ANKRD17: variants seen among roughly 807,000 people sequenced by gnomAD.
The protein encoded by ANKRD17 is ankyrin repeat domain-containing protein 17.
Under a neutral mutation model 229.7 loss-of-function variants are expected in ANKRD17, and 19 were observed. The observed-to-expected ratio is 0.08, with a 90% CI of 0.06 to 0.12. The LOEUF is 0.12. Ranked by LOEUF, ANKRD17 falls within the 10% of genes least tolerant of loss-of-function variation. ANKRD17 has a pLI of 1.00. For synonymous variants in ANKRD17, 1,112 were observed against 1,146.1 expected (o/e 0.97, Z 0.60); for missense variants, 2,176 against 3,176.8 (o/e 0.68, Z 7.57).
intron 1 of ANKRD17, among the ~76,000 whole-genome samples, chr4:73,189,457 C>T (rs940270186): frequency 1.7e-5 from 2 of 117,492 alleles, no homozygotes; most frequent in East Asian, 2.7e-4. Flanking sequence ...AGTGCAGTGG[C>T]GCCATCTTGG....
intron 1 of ANKRD17, among the ~76,000 whole-genome samples, chr4:73,193,834 G>A (rs111654888): frequency 1.3e-5 from 2 of 152,140 alleles, no homozygotes; most frequent in African/African-American, 2.4e-5. Context: ...CTCGGGGCTG[G>A]GGCAGGAGGA....
At chr4:73,218,497 G>A (rs1741398744) in intron 1 of ANKRD17, among the ~76,000 whole-genome samples, 1 of 151,858 alleles carries the variant, frequency 6.6e-6, no homozygotes. Context: ...ACAAAAAATT[G>A]CCAGGCATGG....
intron 3 of ANKRD17, among the ~76,000 whole-genome samples, chr4:73,157,961 G>A (rs941950125): frequency 2.6e-5 from 4 of 151,676 alleles, no homozygotes; most frequent in African/African-American, 4.8e-5. Flanking sequence ...GCATGGCAGC[G>A]TGGCCTATAG....
intron 11 of ANKRD17, among the ~76,000 whole-genome samples, chr4:73,143,770 T>C (rs886382856): frequency 6.6e-6 from 1 of 152,176 alleles, no homozygotes; most frequent in African/African-American, 2.4e-5. Flanking sequence ...AGACAGGTTC[T>C]CACTCTGTCA....
intron 22 of ANKRD17, among the ~76,000 whole-genome samples, chr4:73,116,608 T>C (rs1283160133): frequency 2.0e-5 from 3 of 152,156 alleles, no homozygotes; most frequent in African/African-American, 7.2e-5. Context: ...TTAGACTGCA[T>C]GTTTCTAAAC....
At chr4:73,116,266 G>A (rs1725944598) in intron 22 of ANKRD17, among the ~76,000 whole-genome samples, 1 of 152,066 alleles carries the variant, frequency 6.6e-6, no homozygotes, top group Non-Finnish European at 1.5e-5. Flanking sequence ...CCCTAAATAT[G>A]AGAGTCTAGT....
chr4:73,148,825 G>T lies in ANKRD17; in HGVS notation c.1555C>A (p.Leu519Ile). The T allele has an allele frequency of 6.2e-7, 1 of 1,613,798 alleles. No individual in the cohort carries two copies. Among genetic ancestry groups the T allele is most frequent in the Non-Finnish European group, 8.5e-7 (1 of 1,179,724 alleles). Residue 519 changes from leucine (L) to isoleucine (I), a missense_variant, in exon 8 of 34, where the codon CTT (leucine) becomes ATT (isoleucine). Physicochemically the swap from Leu to Ile is conservative, Grantham distance 5 (BLOSUM62 2). Coordinates refer to ENST00000358602, the MANE Select transcript of ANKRD17 (RefSeq NM_032217.5). ...REGHEEMVAL[L>I]LGQGANINAQ... ...TAGATACGGTTACCTTGACCAAGAA[G>T]TAATGCCACCATTTCTTCATGTCCT...
chr4:73,207,927 G>A (rs1275815615), intron 1 of ANKRD17, among the ~76,000 whole-genome samples: 1 of 152,110 alleles, frequency 6.6e-6, no homozygotes, highest in Non-Finnish European at 1.5e-5. Context: ...AGTGGCTCAC[G>A]CCTGTAATCC....
chr4:73,191,539 T>TA (rs1224608441), intron 1 of ANKRD17, among the ~76,000 whole-genome samples: 3 of 151,652 alleles, frequency 2.0e-5, no homozygotes, highest in African/African-American at 7.3e-5. Flanking sequence ...AAAAGACTAA[T>TA]AAATGTGGAC....
chr4:73,222,264 C>T (rs893951905), intron 1 of ANKRD17, among the ~76,000 whole-genome samples: 1 of 152,082 alleles, frequency 6.6e-6, no homozygotes, highest in Admixed American at 6.6e-5. Context: ...TATAGTTTCA[C>T]TTTGACATGT....
chr4:73,108,332 C>G (rs752235985), intron 24 of ANKRD17, among the ~76,000 whole-genome samples: 9 of 152,064 alleles, frequency 5.9e-5, no homozygotes, highest in Non-Finnish European at 1.0e-4. Flanking sequence ...GCTGAATACA[C>G]GAGACTGAAG....
At position 73,149,058 on chromosome 4, in the gene ANKRD17, T is replaced by C. The variant is rs750692553; in HGVS notation, c.1330-8A>G. 2.5e-6 allele frequency: 4 copies of C among 1,601,790 alleles called. No individual in the cohort carries two copies. In the African/African-American group the frequency reaches 4.0e-5, roughly 16 times the overall value. On this transcript the variant is annotated splice_region_variant and splice_polypyrimidine_tract_variant and intron_variant, in intron 7 of 33. Transcript: ENST00000358602. The stretch of plus-strand genomic sequence containing the variant: ...TACTTCAACATGGCCATCCTAATGA[T>C]AATACAATTTAAAAAATTAAATCAG...
At position 73,091,492 on chromosome 4, in the gene ANKRD17, G is replaced by C. The variant is rs927644375; in HGVS notation, c.6136C>G (p.Pro2046Ala). 23 of 1,614,154 alleles carry C rather than the reference G, an allele frequency of 1.4e-5. No individual in the cohort carries two copies. The highest frequency in any genetic ancestry group is 1.9e-5 in the Non-Finnish European group (23 of 1,180,024). Residue 2046 changes from proline (P) to alanine (A), a missense_variant, in exon 29 of 34, where the codon CCA becomes GCA. Physicochemically the swap from Pro to Ala is conservative, Grantham distance 27. This residue lies in a region of ANKRD17 where 424 missense variants were observed against 454.0 expected (regional missense o/e 0.93). Transcript: ENST00000358602. ...EHYPVSSPSS[P>A]SPPAQPGGVS... ...CCTCCTGGCTGGGCTGGTGGTGATG[G>C]GGAAGATGGGGATGATACTGGATAG...
intron 1 of ANKRD17, among the ~76,000 whole-genome samples, chr4:73,218,286 A>C (rs1432942418): frequency 6.6e-6 from 1 of 152,208 alleles, no homozygotes; most frequent in Non-Finnish European, 1.5e-5. Flanking sequence ...AGATGGAATC[A>C]ATGAAGTAAA....
chr4:73,100,725 A>T, intron 25 of ANKRD17: 1 of 537,690 alleles, frequency 1.9e-6, no homozygotes, highest in Non-Finnish European at 2.4e-6. Context: ...AAAATGTTTT[A>T]AAAATGTAGG....
At chr4:73,083,787 G>C (rs1721806811) in intron 30 of ANKRD17, among the ~76,000 whole-genome samples, 1 of 151,980 alleles carries the variant, frequency 6.6e-6, no homozygotes, top group African/African-American at 2.4e-5. Context: ...ATTCATTGCA[G>C]GCTACAATTT....
chr4:73,166,784 T>C (rs1395984275), intron 2 of ANKRD17, among the ~76,000 whole-genome samples: 1 of 151,878 alleles, frequency 6.6e-6, no homozygotes, highest in Non-Finnish European at 1.5e-5. Flanking sequence ...GGAACTGTTA[T>C]GATTAAACTT....
intron 2 of ANKRD17, among the ~76,000 whole-genome samples, chr4:73,169,629 A>T (rs1003849861): frequency 3.9e-5 from 6 of 152,168 alleles, no homozygotes; most frequent in African/African-American, 1.4e-4. Flanking sequence ...GAGCACACAC[A>T]GTGCCTGGTT....
At chr4:73,190,559 CAAAACAAAAAA>C (rs1027298355) in intron 1 of ANKRD17, among the ~76,000 whole-genome samples, 4 of 126,640 alleles carry the variant, frequency 3.2e-5, no homozygotes, top group South Asian at 2.6e-4. Flanking sequence ...AAAAAAAAAA[CAAAACAAAAAA>C]AAAACAAAAA....
Sources: gnomAD v4.1 joint callset for allele counts (sites outside exome capture counted in the v4.1 genomes callset) on GRCh38, gnomAD v4.1.1 for gene constraint, gnomAD v4.1.1 regional missense constraint, MANE v1.5 for transcripts, NCBI Gene and HGNC (gene_info 2026-07-23, HGNC 2026-07-21) for gene names.